Variants in NACAD observed in about 807,000 individuals in gnomAD.
The protein encoded by NACAD is NAC alpha domain containing.
A neutral mutation model predicts 98.9 loss-of-function variants in NACAD; 47 were observed. The observed-to-expected ratio is 0.48, with a 90% confidence interval of 0.38 to 0.61. NACAD has a LOEUF of 0.61. NACAD is among the 20% of genes least tolerant of loss of function. NACAD has a pLI of 0.00. For synonymous variants in NACAD, 696 were observed against 767.2 expected (o/e 0.91, Z 1.53); for missense variants, 1,412 against 1,748.2 (o/e 0.81, Z 3.43).
Position 45,084,890 on chromosome 7 carries a change from C to T in NACAD, c.1290G>A (p.Gly430=). 6.4e-7 allele frequency: 1 copy of T among 1,551,042 alleles called. No homozygotes were observed. Residue 430 remains glycine (G), a synonymous_variant, in exon 2 of 8, where the codon GGG becomes GGA. Transcript: ENST00000490531. ...VQKTEEESGG[G]AKGLQAQDGT... ...CATCCTGAGCCTGCAGCCCCTTGGC[C>T]CCACCTCCGCTCTCCTCCTCTGTCT...
In NACAD at chr7:45,080,780, G is replaced by C. The variant is rs1562926238; in HGVS notation, c.4552-18C>G. On this transcript the variant is annotated intron_variant, in intron 6 of 7. Coordinates refer to ENST00000490531, the MANE Select transcript of NACAD (RefSeq NM_001146334.2). ...TCGTCCACCTGGAGTTGGGGGAGCA[G>C]GGAAGTGGCTGGAGCTGCTTGAGGT... is the stretch of plus-strand genomic sequence containing the variant. The C allele has an allele frequency of 3.2e-6, 5 of 1,550,610 alleles. No individual in the cohort carries two copies. The highest frequency in any genetic ancestry group is 3.5e-6 in the Non-Finnish European group (4 of 1,146,970).
Position 45,080,480 on chromosome 7 carries a change from G to A in NACAD, c.*29C>T, listed in dbSNP as rs751603162. The A allele has an allele frequency of 1.9e-5, 30 of 1,551,296 alleles. No individual in the cohort carries two copies. Among genetic ancestry groups the A allele is most frequent in the Admixed American group, 9.8e-5 (5 of 50,974 alleles). ...TTGAGTAGCAGAGCTGAGGGAAGGC[G>A]TAGGATGGCTCCAGCTTCCGGTCAG... On this transcript the variant is annotated 3_prime_UTR_variant, in exon 8 of 8. Coordinates refer to ENST00000490531, the MANE Select transcript of NACAD (RefSeq NM_001146334.2).
At position 45,085,289 on chromosome 7, in the gene NACAD, C is replaced by T; in HGVS notation, c.891G>A (p.Leu297=). The change falls in exon 2 of 8, where the codon CTG becomes CTA. Residue 297 remains leucine, a synonymous_variant. Transcript: ENST00000490531. This position sits in a 1 kb window ranked among gnomAD's most constrained non-coding sequence, Gnocchi z 6.1. ...TCATTGGGTCATTGGCCAGGAAGTC[C>T]AGGTCGAAGAAGTGGCCCTCCTGGC... is the stretch of plus-strand genomic sequence containing the variant. ...SWGQEGHFFD[L]DFLANDPMIP... 6.4e-7 allele frequency: 1 copy of T among 1,551,210 alleles called. No homozygotes were observed.
chr7:45,080,673 T>G lies in NACAD; in HGVS notation c.4641A>C (p.Arg1547Ser). The G allele has an allele frequency of 6.4e-7, 1 of 1,551,288 alleles. No homozygotes were observed. The change falls in exon 7 of 8, where the codon AGA becomes AGC. Residue 1547 changes from arginine (R) to serine (S), a missense_variant. Arg to Ser is a moderately radical substitution (Grantham distance 110, BLOSUM62 -1). Transcript: ENST00000490531. ...VSRAKAVRAL[R>S]DNHSDIVNAI... ...CGTTGACGATGTCACTGTGGTTGTC[T>G]CTCAGAGCCCGCACGGCCTTGGCCC...
In NACAD at chr7:45,085,481, G is replaced by A. The variant is rs1784505613; in HGVS notation, c.699C>T (p.Ser233=). The change falls in exon 2 of 8, where the codon TCC becomes TCT. Residue 233 remains serine, a synonymous_variant. Coordinates refer to ENST00000490531, the MANE Select transcript of NACAD (RefSeq NM_001146334.2). This position sits in a 1 kb window ranked among gnomAD's most constrained non-coding sequence, Gnocchi z 6.1. The part of the protein sequence containing the change: ...ADGDSWASSP[S]CSLSLLAPAE... ...CCGGAGCCAGCAGGCTGAGGGAACA[G>A]GAGGGTGAAGAGGCCCAGCTGTCCC... The A allele has an allele frequency of 2.6e-6, 4 of 1,550,824 alleles. No homozygotes were observed. Among genetic ancestry groups the A allele is most frequent in the Non-Finnish European group, 3.5e-6 (4 of 1,146,938 alleles).
Position 45,082,443 on chromosome 7 carries a change from G to A in NACAD, c.3737C>T (p.Pro1246Leu), listed in dbSNP as rs746713800. 5 of 1,548,506 alleles carry A rather than the reference G, an allele frequency of 3.2e-6. No individual in the cohort carries two copies. The South Asian group carries it at 6.0e-5, about 18-fold the overall frequency. The change falls in exon 2 of 8, where the codon CCA becomes CTA. Residue 1246 changes from proline (P) to leucine (L), a missense_variant. Physicochemically the swap from Pro to Leu is moderately conservative, Grantham distance 98. Transcript: ENST00000490531. The surrounding 1 kb of genome is among the most constrained non-coding windows in gnomAD (Gnocchi z 4.5). Reference sequence around the variant, plus strand: ...GGGGTCCTGGCACAGGCAGGGGGCTGGGGGCTCCAGTGGGGGTAGGGCTGC... The same window carrying A: ...GGGGTCCTGGCACAGGCAGGGGGCTAGGGGCTCCAGTGGGGGTAGGGCTGC... ...AGAALPPLEP[P>L]APCLCQDPQE... is the part of the protein sequence containing the mutation.
At position 45,082,365 on chromosome 7, in the gene NACAD, G is replaced by A. The variant is rs948297543; in HGVS notation, c.3815C>T (p.Pro1272Leu). The A allele has an allele frequency of 9.0e-6, 14 of 1,550,106 alleles. No individual in the cohort carries two copies. The highest frequency in any genetic ancestry group is 1.7e-4 in the Middle Eastern group (1 of 6,006). Reference sequence around the variant, plus strand: ...GGCAGGCTGGACTCCTGCCTGGGGCGGTGGGAGGCCCAGAGAGCCTGGGGG... The same window carrying A: ...GGCAGGCTGGACTCCTGCCTGGGGCAGTGGGAGGCCCAGAGAGCCTGGGGG... ...EEPPGSLGLP[P>L]PQAGVQPAAA... is the part of the protein sequence containing the mutation. Residue 1272 changes from proline (P) to leucine (L), a missense_variant, in exon 2 of 8, where the codon CCG becomes CTG. By Grantham distance (98) the Pro-to-Leu change is moderately conservative (BLOSUM62 -3). Around this residue, in one of 5 missense-constraint regions of NACAD, gnomAD observed 572 missense variants for 639.6 expected, o/e 0.89. Coordinates refer to ENST00000490531, the MANE Select transcript of NACAD (RefSeq NM_001146334.2). This position sits in a 1 kb window ranked among gnomAD's most constrained non-coding sequence, Gnocchi z 4.5.
rs886315749 is a variant in NACAD, at chr7:45,084,945, T to C, written c.1235A>G (p.Gln412Arg). Residue 412 changes from glutamine (Q) to arginine (R), a missense_variant, in exon 2 of 8, where the codon CAG becomes CGG. Gln to Arg is a conservative substitution (Grantham distance 43). Transcript: ENST00000490531. ...GACACTGTCCTGGAGCAAAGTGGCCTGGGCATGGGGCTCCCCGCTGTACAG... is the reference window on the plus strand; with the variant it reads ...GACACTGTCCTGGAGCAAAGTGGCCCGGGCATGGGGCTCCCCGCTGTACAG... The part of the protein sequence containing the change: ...ERLYSGEPHA[Q>R]ATLLQDSVQK... The C allele has an allele frequency of 1.9e-6, 3 of 1,551,060 alleles. No individual in the cohort carries two copies. In the East Asian group the frequency reaches 7.3e-5, roughly 38 times the overall value.
rs1696213830 is a variant in NACAD at position 45,080,771 on chromosome 7, G to A, written c.4552-9C>T. 1.3e-6 allele frequency: 2 copies of A among 1,550,654 alleles called. No homozygotes were observed. Among genetic ancestry groups the A allele is most frequent in the Non-Finnish European group, 8.7e-7 (1 of 1,146,956 alleles). On this transcript the variant is annotated splice_polypyrimidine_tract_variant and intron_variant, in intron 6 of 7. Transcript: ENST00000490531. ...AGCCCCGCCTCGTCCACCTGGAGTT[G>A]GGGGAGCAGGGAAGTGGCTGGAGCT...
At position 45,085,891 on chromosome 7, in the gene NACAD, G is replaced by A. The variant is rs1299344983; in HGVS notation, c.289C>T (p.Pro97Ser). The A allele has an allele frequency of 1.3e-6, 2 of 1,547,442 alleles. No individual in the cohort carries two copies. The highest frequency in any genetic ancestry group is 1.7e-6 in the Non-Finnish European group (2 of 1,146,000). The change falls in exon 2 of 8, where the codon CCT becomes TCT. Residue 97 changes from proline (P) to serine (S), a missense_variant. By Grantham distance (74) the Pro-to-Ser change is moderately conservative. This residue lies in a region of NACAD where 638 missense variants were observed against 722.7 expected (regional missense o/e 0.88). Coordinates refer to ENST00000490531, the MANE Select transcript of NACAD (RefSeq NM_001146334.2). This position sits in a 1 kb window ranked among gnomAD's most constrained non-coding sequence, Gnocchi z 6.1. ...AGAGCCTGGGAAGACAGGCCCTCAG[G>A]GAGGAGCATGGGGCTTGGGCCGCCC... ...GEGGPSPMLL[P>S]EGLSSQALST...
chr7:45,085,118 C>T lies in NACAD; in HGVS notation c.1062G>A (p.Glu354=), dbSNP rs753541010. The T allele has an allele frequency of 2.1e-5, 32 of 1,550,734 alleles. No homozygotes were observed. In the South Asian group the frequency reaches 2.4e-4, roughly 12 times the overall value. Residue 354 remains glutamate, a synonymous_variant, in exon 2 of 8, where the codon GAG becomes GAA. Transcript: ENST00000490531. This position sits in a 1 kb window ranked among gnomAD's most constrained non-coding sequence, Gnocchi z 6.1. The part of the protein sequence containing the change: ...PGGDLAGEGE[E]DSTSASFLQS... The stretch of plus-strand genomic sequence containing the variant: ...GCAGGAAGGAGGCAGACGTGCTGTC[C>T]TCCTCACCCTCCCCAGCCAGGTCCC...
chr7:45,082,477 G>A lies in NACAD; in HGVS notation c.3703C>T (p.Leu1235Phe), dbSNP rs1408223614. ...AGTGGGGGTAGGGCTGCCCCAGCAA[G>A]GGTACCAGGAGCAGAAGGGTCAGGG... ...LGPDPSAPGTLAGAALPPLEP... is the reference protein window; with the variant it reads ...LGPDPSAPGTFAGAALPPLEP... The change falls in exon 2 of 8, where the codon CTT becomes TTT. Residue 1235 changes from leucine (L) to phenylalanine (F), a missense_variant. By Grantham distance (22) the Leu-to-Phe change is conservative. Coordinates refer to ENST00000490531, the MANE Select transcript of NACAD (RefSeq NM_001146334.2). The surrounding 1 kb of genome is among the most constrained non-coding windows in gnomAD (Gnocchi z 4.5). 23 of 1,549,486 alleles carry A rather than the reference G, an allele frequency of 1.5e-5. No homozygotes were observed. The highest frequency in any genetic ancestry group is 1.9e-5 in the Non-Finnish European group (22 of 1,146,828).
In NACAD at chr7:45,085,837, G is replaced by C. The variant is rs1784513779; in HGVS notation, c.343C>G (p.Leu115Val). 3 of 1,542,078 alleles carry C rather than the reference G, an allele frequency of 1.9e-6. No individual in the cohort carries two copies. In the East Asian group the frequency reaches 7.3e-5, roughly 38 times the overall value. Residue 115 changes from leucine (L) to valine (V), a missense_variant, in exon 2 of 8, where the codon CTG becomes GTG. By Grantham distance (32) the Leu-to-Val change is conservative (BLOSUM62 1). This residue lies in a region of NACAD where 638 missense variants were observed against 722.7 expected (regional missense o/e 0.88). Coordinates refer to ENST00000490531, the MANE Select transcript of NACAD (RefSeq NM_001146334.2). This position sits in a 1 kb window ranked among gnomAD's most constrained non-coding sequence, Gnocchi z 6.1. ...TCTCCCATCACAATCCGGGGCTCCAGGGTGGCCGGGAGAGGAGCCTCCGTG... is the reference window on the plus strand; with the variant it reads ...TCTCCCATCACAATCCGGGGCTCCACGGTGGCCGGGAGAGGAGCCTCCGTG... ...LSTEAPLPAT[L>V]EPRIVMGEET...
At position 45,080,923 on chromosome 7, in the gene NACAD, G is replaced by C; in HGVS notation, c.4504C>G (p.Arg1502Gly). The C allele has an allele frequency of 6.4e-7, 1 of 1,554,384 alleles. No individual in the cohort carries two copies. The highest frequency in any genetic ancestry group is 8.7e-7 in the Non-Finnish European group (1 of 1,148,648). The change falls in exon 6 of 8, where the codon CGG becomes GGG. Residue 1502 changes from arginine (R) to glycine (G), a missense_variant. Transcript: ENST00000490531. ...ALVPESAPRPRVRLECKEEEE... is the reference protein window; with the variant it reads ...ALVPESAPRPGVRLECKEEEE... ...TCTTCCTTGCACTCCAGCCTCACCC[G>C]GGGCCTGGGTGCTGACTCAGGGACC...
rs1430308155 is a variant in NACAD, at chr7:45,080,957, G to C, written c.4470C>G (p.Pro1490=). 3 of 1,552,068 alleles carry C rather than the reference G, an allele frequency of 1.9e-6. No individual in the cohort carries two copies. The highest frequency in any genetic ancestry group is 2.6e-6 in the Non-Finnish European group (3 of 1,147,208). ...AAEKFKVPSE[P]SALVPESAPR... ...GTGCTGACTCAGGGACCAAGGCTGA[G>C]GGCTCTGAGGGCACCTTAAACTTCT... is the stretch of plus-strand genomic sequence containing the variant. The change falls in exon 6 of 8, where the codon CCC becomes CCG. Residue 1490 remains proline, a synonymous_variant. Coordinates refer to ENST00000490531, the MANE Select transcript of NACAD (RefSeq NM_001146334.2).
Position 45,082,461 on chromosome 7 carries a change from A to C in NACAD, c.3719T>G (p.Leu1240Arg). Residue 1240 changes from leucine (L) to arginine (R), a missense_variant, in exon 2 of 8, where the codon CTA becomes CGA. Leu to Arg is a moderately radical substitution (Grantham distance 102). Coordinates refer to ENST00000490531, the MANE Select transcript of NACAD (RefSeq NM_001146334.2). The surrounding 1 kb of genome is among the most constrained non-coding windows in gnomAD (Gnocchi z 4.5). Reference protein sequence around the residue: ...SAPGTLAGAALPPLEPPAPCL... With the variant: ...SAPGTLAGAARPPLEPPAPCL... ...GGGGGCTGGGGGCTCCAGTGGGGGT[A>C]GGGCTGCCCCAGCAAGGGTACCAGG... is the stretch of plus-strand genomic sequence containing the variant. 1 of 1,548,960 alleles carries C rather than the reference A, an allele frequency of 6.5e-7. No individual in the cohort carries two copies. Among genetic ancestry groups the C allele is most frequent in the Non-Finnish European group, 8.7e-7 (1 of 1,146,674 alleles).
Position 45,088,896 on chromosome 7 carries a change from G to A in NACAD, c.-2C>T. 6 of 1,433,006 alleles carry A rather than the reference G, an allele frequency of 4.2e-6. No homozygotes were observed. Among genetic ancestry groups the A allele is most frequent in the Non-Finnish European group, 5.5e-6 (6 of 1,094,856 alleles). The allele number at this position is 1,433,006 out of a possible 1,614,324, so 88.8% of individuals were successfully genotyped here. ...GGCGCGGGCAGCCTCCCCAGGCATGGCCTGGCCGTGCGCCCGCCCGTCCCT... is the reference window on the plus strand; with the variant it reads ...GGCGCGGGCAGCCTCCCCAGGCATGACCTGGCCGTGCGCCCGCCCGTCCCT... On this transcript the variant is annotated 5_prime_UTR_variant, in exon 1 of 8. Transcript: ENST00000490531. This position sits in a 1 kb window ranked among gnomAD's most constrained non-coding sequence, Gnocchi z 5.7.
chr7:45,088,797 G>A lies in NACAD; in HGVS notation c.67+31C>T. On this transcript the variant is annotated intron_variant, in intron 1 of 7. Transcript: ENST00000490531. This position sits in a 1 kb window ranked among gnomAD's most constrained non-coding sequence, Gnocchi z 5.7. Reference sequence around the variant, plus strand: ...ACCCGGGCTGGAGAGGGGAGAGGCTGAAGGCAGGGAAAGAGTGGCCACGGC... The same window carrying A: ...ACCCGGGCTGGAGAGGGGAGAGGCTAAAGGCAGGGAAAGAGTGGCCACGGC... 6.8e-7 allele frequency: 1 copy of A among 1,471,754 alleles called. No individual in the cohort carries two copies. Among genetic ancestry groups the A allele is most frequent in the South Asian group, 1.3e-5 (1 of 78,046 alleles). The allele number at this position is 1,471,754 out of a possible 1,614,324, so 91.2% of individuals were successfully genotyped here.
rs1378432753 is a variant in NACAD, at chr7:45,081,669, G to A, written c.4189C>T (p.Pro1397Ser). ...PQTVQCPAQAPAGGSEETIAK... is the reference protein window; with the variant it reads ...PQTVQCPAQASAGGSEETIAK... Reference sequence around the variant, plus strand: ...ATGGTCTCCTCACTGCCGCCTGCTGGGGCCTGAGAAAAGGTGAGGGCTGAG... The same window carrying A: ...ATGGTCTCCTCACTGCCGCCTGCTGAGGCCTGAGAAAAGGTGAGGGCTGAG... The change falls in exon 4 of 8, where the codon CCA becomes TCA. Residue 1397 changes from proline to serine, a missense_variant. By Grantham distance (74) the Pro-to-Ser change is moderately conservative. Coordinates refer to ENST00000490531, the MANE Select transcript of NACAD (RefSeq NM_001146334.2). 6.4e-7 allele frequency: 1 copy of A among 1,551,320 alleles called. No individual in the cohort carries two copies. The highest frequency in any genetic ancestry group is 8.7e-7 in the Non-Finnish European group (1 of 1,147,010).
Sources: gnomAD v4.1 joint callset for allele counts on GRCh38, gnomAD v4.1.1 for gene constraint, gnomAD v4.1.1 regional missense constraint, Gnocchi (gnomAD v3.1) non-coding constraint, MANE v1.5 for transcripts, NCBI Gene and HGNC (gene_info 2026-07-23, HGNC 2026-07-21) for gene names.